The following HEATR1 variants were observed in gnomAD, a reference collection of about 807,000 sequenced individuals.
HEATR1 encodes the protein HEAT repeat containing 1.
Under a neutral mutation model 248.2 loss-of-function variants are expected in HEATR1, and 77 were observed. That is an observed-to-expected ratio of 0.31 (90% CI 0.26 to 0.37). The LOEUF (loss-of-function observed/expected upper bound fraction) is 0.37, where lower values mean the gene tolerates loss of function less well. HEATR1 is among the 10% of genes least tolerant of loss of function. HEATR1 has a pLI of 1.00. For missense variants in HEATR1, 2,420 were observed against 2,504.9 expected (o/e 0.97, Z 0.72); for synonymous variants, 897 against 923.1 (o/e 0.97, Z 0.51).
chr1:236,557,207 G>T lies in HEATR1; in HGVS notation c.5343C>A (p.Gly1781=). The change falls in exon 37 of 45, where the codon GGC becomes GGA. Residue 1781 remains glycine, a synonymous_variant. Coordinates refer to ENST00000366582, the MANE Select transcript of HEATR1 (RefSeq NM_018072.6). ...TATCGTGGCTCACCTGGGAGAGAAT[G>T]CCTTCCAGATAGGGGCTGATGAAGT... ...LPHFISPYLE[G]ILSQVIHLEK... 2 of 1,614,006 alleles carry T rather than the reference G, an allele frequency of 1.2e-6. No individual in the cohort carries two copies. Among genetic ancestry groups the T allele is most frequent in the Non-Finnish European group, 1.7e-6 (2 of 1,179,940 alleles).
At position 236,585,057 on chromosome 1, in the gene HEATR1, T is replaced by A. The variant is rs1257881359; in HGVS notation, c.2209A>T (p.Ile737Leu). 8 of 1,613,112 alleles carry A rather than the reference T, an allele frequency of 5.0e-6. No homozygotes were observed. Among genetic ancestry groups the A allele is most frequent in the African/African-American group, 1.3e-5 (1 of 74,786 alleles). Residue 737 changes from isoleucine (I) to leucine (L), a missense_variant, in exon 17 of 45, where the codon ATA (isoleucine) becomes TTA (leucine). Transcript: ENST00000366582. ...IRVFSLLQKKIKKLESVITAV... is the reference protein window; with the variant it reads ...IRVFSLLQKKLKKLESVITAV... ...GTAATGACACTTTCAAGCTTCTTTA[T>A]TTTTTTCTGCAACAAACTGAAGACT...
At chr1:236,602,944 G>C (rs1206209782) in intron 3 of HEATR1, 7 of 550,006 alleles carry the variant, frequency 1.3e-5, no homozygotes, top group Non-Finnish European at 1.9e-5. Flanking sequence ...AATGAGGTTA[G>C]ACCATTTACT....
chr1:236,595,907 G>C lies in HEATR1; in HGVS notation c.882C>G (p.Pro294=). ...AACTTAACCCATCCTTGATCAAAGA[G>C]GGAATCTTGGTCAATGTTTTGATGA... ...SQIIKTLTKI[P]SLIKDGLSCL... Residue 294 remains proline (P), a synonymous_variant, in exon 7 of 45, where the codon CCC becomes CCG. Coordinates refer to ENST00000366582, the MANE Select transcript of HEATR1 (RefSeq NM_018072.6). The C allele has an allele frequency of 1.9e-6, 3 of 1,614,002 alleles. No individual in the cohort carries two copies. The highest frequency in any genetic ancestry group is 2.5e-6 in the Non-Finnish European group (3 of 1,179,900).
At chr1:236,563,841 A>C (rs754312565) in intron 32 of HEATR1, among the ~76,000 whole-genome samples, 48 of 152,314 alleles carry the variant, frequency 3.2e-4, no homozygotes, top group Non-Finnish European at 5.6e-4. Flanking sequence ...AAGGCTGGGC[A>C]TGATGGCTCA....
At chr1:236,578,939 T>C (rs1480481088) in intron 20 of HEATR1, among the ~76,000 whole-genome samples, 1 of 152,312 alleles carries the variant, frequency 6.6e-6, no homozygotes. Context: ...CTAAATTCCT[T>C]TTACAGTAAT....
At chr1:236,599,341 G>A in intron 4 of HEATR1, 142 bp downstream of exon 4, 1 of 577,406 alleles carries the variant, frequency 1.7e-6, no homozygotes. Context: ...ATTAATAATA[G>A]TTTCAATTGG....
chr1:236,556,224 C>A lies in HEATR1; in HGVS notation c.5390G>T (p.Gly1797Val). Residue 1797 changes from glycine to valine, a missense_variant, in exon 38 of 45, where the codon GGT (glycine) becomes GTT (valine). Gly to Val is a moderately radical substitution (Grantham distance 109). Transcript: ENST00000366582. ...IHLEKITSEM[G>V]SASQANIRLT... ...ACGGATATTAGCCTGTGACGCAGAACCCATTTCACTAGTGATTTTCTCCAG... is the reference window on the plus strand; with the variant it reads ...ACGGATATTAGCCTGTGACGCAGAAACCATTTCACTAGTGATTTTCTCCAG... 1 of 1,614,036 alleles carries A rather than the reference C, an allele frequency of 6.2e-7. No homozygotes were observed. The highest frequency in any genetic ancestry group is 8.5e-7 in the Non-Finnish European group (1 of 1,180,010).
rs776432847 is a variant in HEATR1, at chr1:236,571,478, A to G, written c.3827-6T>C. On this transcript the variant is annotated splice_polypyrimidine_tract_variant and splice_region_variant and intron_variant, in intron 27 of 44. Coordinates refer to ENST00000366582, the MANE Select transcript of HEATR1 (RefSeq NM_018072.6). ...CTTCTCCTCATCTAAAATATCTACA[A>G]TGGTGAGAAAGACAAAAACCCTAAG... The G allele has an allele frequency of 5.6e-6, 9 of 1,613,522 alleles. No individual in the cohort carries two copies. The African/African-American group carries it at 9.3e-5, about 17-fold the overall frequency.
intron 8 of HEATR1, among the ~76,000 whole-genome samples, chr1:236,594,461 A>C (rs1261777336): frequency 6.6e-6 from 1 of 152,214 alleles, no homozygotes; most frequent in Non-Finnish European, 1.5e-5. Flanking sequence ...AAAGAGGTTA[A>C]ACTTTTATCT....
chr1:236,551,344 GA>G, intron 44 of HEATR1: 1 of 210,378 alleles, frequency 4.8e-6, no homozygotes, highest in Non-Finnish European at 9.5e-6. Context: ...GTAAAGGACT[GA>G]TCTACTTGCT....
chr1:236,581,876 G>C (rs1400523969), intron 19 of HEATR1, among the ~76,000 whole-genome samples: 1 of 152,086 alleles, frequency 6.6e-6, no homozygotes, highest in Non-Finnish European at 1.5e-5. Flanking sequence ...TTTTTAAATG[G>C]TATTAACCAA....
chr1:236,580,396 A>C (rs932101363), intron 20 of HEATR1, among the ~76,000 whole-genome samples: 1 of 152,234 alleles, frequency 6.6e-6, no homozygotes, highest in Non-Finnish European at 1.5e-5. Context: ...CTGATTATTA[A>C]GAACTCATAT....
chr1:236,598,969 T>C (rs886714700), intron 4 of HEATR1, among the ~76,000 whole-genome samples: 6 of 152,246 alleles, frequency 3.9e-5, no homozygotes, highest in African/African-American at 1.4e-4. Context: ...AGCATCCTTT[T>C]CTTAGTCTGT....
chr1:236,604,161 C>T (rs905317441), intron 1 of HEATR1, 34 bp from the exon 2 acceptor site: 244 of 1,492,508 alleles, frequency 1.6e-4, no homozygotes, highest in Non-Finnish European at 2.0e-4. Context: ...TAAGTTTCTA[C>T]GAAATTATAA....
chr1:236,604,318 G>A (rs1664415575), intron 1 of HEATR1, 104 bp downstream of exon 1: 3 of 438,846 alleles, frequency 6.8e-6, no homozygotes, highest in Non-Finnish European at 1.2e-5. Flanking sequence ...ACCGCGCCAA[G>A]GCTTTCCTTC....
chr1:236,566,130 A>G (rs1399077152), intron 30 of HEATR1, 85 bp from the exon 31 acceptor site: 3 of 1,313,480 alleles, frequency 2.3e-6, no homozygotes, highest in Non-Finnish European at 3.2e-6. Context: ...TAGGATTTCT[A>G]GCAGAACAGA....
intron 23 of HEATR1, 34 bp from the exon 24 acceptor site, chr1:236,574,367 G>A: frequency 1.9e-6 from 3 of 1,581,448 alleles, no homozygotes; most frequent in Non-Finnish European, 2.6e-6. Flanking sequence ...ACTGAGTTCA[G>A]TGAACAAGTT....
At position 236,596,842 on chromosome 1, in the gene HEATR1, G is replaced by A. The variant is rs755865994; in HGVS notation, c.738C>T (p.Ile246=). The A allele has an allele frequency of 4.3e-6, 7 of 1,611,944 alleles. No individual in the cohort carries two copies. In the East Asian group the frequency reaches 1.3e-4, roughly 31 times the overall value. The stretch of plus-strand genomic sequence containing the variant: ...ACACATCAGCAGTGCCAACCTTTTG[G>A]ATATAGGGAAATAGTTTGGCGATGA... ...DNIIAKLFPY[I]QKGLKSSLPD... The change falls in exon 6 of 45, where the codon ATC becomes ATT. Residue 246 remains isoleucine, a synonymous_variant. Coordinates refer to ENST00000366582, the MANE Select transcript of HEATR1 (RefSeq NM_018072.6).
rs150073764 is a variant in HEATR1 at position 236,554,556 on chromosome 1, T to G, written c.6078+42A>C. 6.3e-4 allele frequency: 1,013 copies of G among 1,596,080 alleles called. 1 individual carries two copies. The highest frequency in any genetic ancestry group is 8.0e-4 in the Non-Finnish European group (937 of 1,172,190). On this transcript the variant is annotated intron_variant, in intron 42 of 44. Transcript: ENST00000366582. ...TCTAAAACCTGCCAAGCTCGAACAG[T>G]GATGGCTTCCTCAGCAACGAAAGAT...
Sources: allele counts gnomAD v4.1 joint callset (sites outside exome capture counted in the v4.1 genomes callset), GRCh38; gene constraint gnomAD v4.1.1; transcripts MANE v1.5; gene names NCBI Gene and HGNC (gene_info 2026-07-23, HGNC 2026-07-21).